Variants in ASTN1 observed in about 807,000 individuals in gnomAD.
ASTN1 encodes astrotactin-1.
A neutral mutation model predicts 140.7 loss-of-function variants in ASTN1; 41 were observed. That is an observed-to-expected ratio of 0.29 (90% CI 0.23 to 0.38). The LOEUF (loss-of-function observed/expected upper bound fraction) is 0.38. Among genes scored for constraint, ASTN1 ranks in the 10% least tolerant of loss-of-function variants. The probability of loss-of-function intolerance (pLI) is 1.00; values close to 1 mark genes in which losing one functional copy is unlikely to be tolerated. For missense variants in ASTN1, 1,479 were observed against 1,678.8 expected (o/e 0.88, Z 2.08); for synonymous variants, 640 against 652.2 (o/e 0.98, Z 0.29).
chr1:177,047,754 G>A (rs947336984), intron 2 of ASTN1, among the ~76,000 whole-genome samples: 1 of 152,180 alleles, frequency 6.6e-6, no homozygotes, highest in South Asian at 2.1e-4. Context: ...GGCACAAGAA[G>A]AGGATCCCAT....
intron 5 of ASTN1, among the ~76,000 whole-genome samples, chr1:177,028,579 G>C (rs2101967902): frequency 6.6e-6 from 1 of 152,196 alleles, no homozygotes; most frequent in African/African-American, 2.4e-5. Context: ...GTTGACTATT[G>C]GTTGAGGAAA....
At chr1:177,008,800 A>C (rs547544145) in intron 8 of ASTN1, among the ~76,000 whole-genome samples, 1 of 152,318 alleles carries the variant, frequency 6.6e-6, no homozygotes, top group African/African-American at 2.4e-5. Flanking sequence ...TGGCAAAGCA[A>C]TGACAGAAGC....
intron 2 of ASTN1, among the ~76,000 whole-genome samples, chr1:177,046,928 C>G (rs1244954257): frequency 6.6e-6 from 1 of 152,304 alleles, no homozygotes; most frequent in South Asian, 2.1e-4. Flanking sequence ...CACTGACCAG[C>G]CATTCAGCCA....
chr1:176,925,746 C>G (rs1011260466), intron 16 of ASTN1, among the ~76,000 whole-genome samples: 1 of 151,708 alleles, frequency 6.6e-6, no homozygotes, highest in Non-Finnish European at 1.5e-5. Flanking sequence ...TTGATCTGTT[C>G]TTGTGCAATT....
intron 7 of ASTN1, among the ~76,000 whole-genome samples, chr1:177,020,008 C>T (rs552663193): frequency 5.3e-5 from 8 of 152,268 alleles, no homozygotes; most frequent in African/African-American, 1.9e-4. Context: ...CCTCAGCCTC[C>T]TGAGTAGCTA....
downstream of ASTN1, among the ~76,000 whole-genome samples, chr1:176,859,189 CTCTG>C (rs1420427417): frequency 1.3e-5 from 2 of 152,190 alleles, no homozygotes; most frequent in African/African-American, 2.4e-5. Context: ...CCACTCCCTT[CTCTG>C]TCTTTCTTTT....
At chr1:176,950,695 T>A (rs535351708) in intron 11 of ASTN1, among the ~76,000 whole-genome samples, 1 of 151,956 alleles carries the variant, frequency 6.6e-6, no homozygotes, top group Non-Finnish European at 1.5e-5. Flanking sequence ...AGCAGGTAAA[T>A]AACTTGCACA....
intron 1 of ASTN1, among the ~76,000 whole-genome samples, chr1:177,076,105 C>G (rs1401263885): frequency 6.6e-6 from 1 of 151,482 alleles, no homozygotes; most frequent in Non-Finnish European, 1.5e-5. Flanking sequence ...TGGTGAAACC[C>G]CATCTCTACT....
intron 1 of ASTN1, among the ~76,000 whole-genome samples, chr1:177,111,975 C>G (rs534607471): frequency 6.6e-6 from 1 of 152,232 alleles, no homozygotes; most frequent in South Asian, 2.1e-4. Flanking sequence ...GTTCTGTAGC[C>G]TTTCTCCAAG....
chr1:177,107,211 G>A (rs1023508966), intron 1 of ASTN1, among the ~76,000 whole-genome samples: 2 of 152,212 alleles, frequency 1.3e-5, no homozygotes, highest in Non-Finnish European at 2.9e-5. Context: ...TCATCCCTGA[G>A]TGTAGTATTG....
At chr1:176,980,262 T>G (rs778536011) in intron 8 of ASTN1, among the ~76,000 whole-genome samples, 2 of 151,958 alleles carry the variant, frequency 1.3e-5, no homozygotes, top group Non-Finnish European at 2.9e-5. Flanking sequence ...GGGAGTAAGA[T>G]GACAGGAAGG....
At chr1:177,093,359 C>T (rs1001624939) in intron 1 of ASTN1, among the ~76,000 whole-genome samples, 6 of 152,222 alleles carry the variant, frequency 3.9e-5, no homozygotes, top group East Asian at 1.9e-4. Flanking sequence ...ATATCCATAA[C>T]GTTAGAGTCA....
intron 1 of ASTN1, among the ~76,000 whole-genome samples, chr1:177,119,569 T>C (rs1370706470): frequency 2.0e-5 from 3 of 152,138 alleles, no homozygotes; most frequent in Non-Finnish European, 4.4e-5. Flanking sequence ...ATGCAAAGTG[T>C]ATTTTGGTTT....
intron 1 of ASTN1, among the ~76,000 whole-genome samples, chr1:177,084,796 T>G (rs567057300): frequency 6.6e-6 from 1 of 152,314 alleles, no homozygotes; most frequent in South Asian, 2.1e-4. Context: ...TAATTTTAGC[T>G]TTTCTTACTG....
In ASTN1 at chr1:176,862,515, TG is replaced by T; in HGVS notation, c.*1768del. The T allele has an allele frequency of 3.0e-6, 3 of 985,426 alleles. No homozygotes were observed. The highest frequency in any genetic ancestry group is 3.6e-6 in the Non-Finnish European group (3 of 829,956). The allele number at this position is 985,426 out of a possible 1,614,324, so 61.0% of individuals were successfully genotyped here. A position where few individuals can be genotyped will look rare whatever the true frequency, so the allele number is the denominator to read the frequency against. On this transcript the variant is annotated 3_prime_UTR_variant, in exon 23 of 23. Transcript: ENST00000361833. ...TAAAGCTCTCTGGGCAGGTTCCCTG[TG>T]GGGCTGAGAGCTTGGACAGTTGTGT...
At chr1:177,161,755 AT>A (rs558524979) in intron 1 of ASTN1, among the ~76,000 whole-genome samples, 35 of 150,474 alleles carry the variant, frequency 2.3e-4, no homozygotes, top group African/African-American at 4.9e-4. Flanking sequence ...GTTGTTTGTA[AT>A]TTTTTTTTTC....
At chr1:176,944,088 T>G in intron 13 of ASTN1, 70 bp from the exon 14 acceptor site, 1 of 1,579,740 alleles carries the variant, frequency 6.3e-7, no homozygotes, top group Non-Finnish European at 8.6e-7. Flanking sequence ...CATTTTTTTT[T>G]TTTTTTGAGA....
At chr1:177,002,972 TA>T (rs959830825) in intron 8 of ASTN1, among the ~76,000 whole-genome samples, 1,688 of 138,782 alleles carry the variant, frequency 0.012, 22 homozygotes, top group African/African-American at 0.04. Context: ...TAATCGGTAA[TA>T]AAAAAAAAAG....
At chr1:177,014,326 A>G (rs1347639860) in intron 8 of ASTN1, among the ~76,000 whole-genome samples, 1 of 152,234 alleles carries the variant, frequency 6.6e-6, no homozygotes, top group African/African-American at 2.4e-5. Context: ...CTCTTATTCA[A>G]TACAGAGTAC....
Sources: allele counts gnomAD v4.1 joint callset (sites outside exome capture counted in the v4.1 genomes callset), GRCh38; gene constraint gnomAD v4.1.1; transcripts MANE v1.5; gene names NCBI Gene and HGNC (gene_info 2026-07-23, HGNC 2026-07-21).